The following CAPN1 variants were observed in gnomAD, a reference collection of about 807,000 sequenced individuals.
The protein encoded by CAPN1 is calpain-1 catalytic subunit.
In CAPN1, 77 loss-of-function variants were observed where a neutral mutation model predicts 105.2. The ratio of observed to expected loss-of-function variants is 0.73; its 90% CI spans 0.61 to 0.88. The LOEUF is 0.88. CAPN1 is among the 40% of genes least tolerant of loss of function. CAPN1 has a pLI of 0.00. For synonymous variants in CAPN1, 355 were observed against 388.8 expected, an observed-to-expected ratio of 0.91 and a Z score of 1.02; for missense variants, 833 against 976.6, an observed-to-expected ratio of 0.85 and a Z score of 1.96.
Position 65,209,678 on chromosome 11 carries a change from A to G in CAPN1, c.1795-171A>G, listed in dbSNP as rs1949014793. 6.0e-5 allele frequency: 42 copies of G among 698,256 alleles called. No individual in the cohort carries two copies. In the South Asian group the frequency reaches 7.2e-4, roughly 12 times the overall value. 43.3% of individuals were successfully genotyped at this position (698,256 alleles called of 1,614,324 possible). On this transcript the variant is annotated intron_variant, in intron 17 of 21. Coordinates refer to ENST00000279247, the MANE Select transcript of CAPN1 (RefSeq NM_005186.4). This position sits in a 1 kb window ranked among gnomAD's most constrained non-coding sequence, Gnocchi z 4.1. Reference sequence around the variant, plus strand: ...AGCCCACTCCACTGCAGCCCAGCTCAGAGAATAAGGCAAGCCCGGCTGTGG... The same window carrying G: ...AGCCCACTCCACTGCAGCCCAGCTCGGAGAATAAGGCAAGCCCGGCTGTGG...
intron 7 of CAPN1, chr11:65,187,593 A>G (rs1948654086): frequency 2.0e-6 from 1 of 506,492 alleles, no homozygotes; most frequent in Admixed American, 3.3e-5. Context: ...GGAGTGTTAA[A>G]GTGCGTGCAT....
At chr11:65,185,231 G>A (rs529378851) in intron 4 of CAPN1, among the ~76,000 whole-genome samples, 2 of 152,106 alleles carry the variant, frequency 1.3e-5, no homozygotes, top group East Asian at 3.9e-4. Context: ...ACCATCCTGA[G>A]GTTACAGGAA....
Position 65,210,756 on chromosome 11 carries a change from C to A in CAPN1, c.2060-58C>A. 7.2e-7 allele frequency: 1 copy of A among 1,398,006 alleles called. No homozygotes were observed. The allele number at this position is 1,398,006 out of a possible 1,614,324, so 86.6% of individuals were successfully genotyped here. On this transcript the variant is annotated intron_variant, in intron 20 of 21. Coordinates refer to ENST00000279247, the MANE Select transcript of CAPN1 (RefSeq NM_005186.4). This position sits in a 1 kb window ranked among gnomAD's most constrained non-coding sequence, Gnocchi z 4.3. ...AGGCAGGAAGGGGGCCAGGCCTGGC[C>A]CTGCGTGAATATCCCACTGAGTTTT...
intron 10 of CAPN1, among the ~76,000 whole-genome samples, chr11:65,189,048 G>A (rs1434303169): frequency 6.6e-6 from 1 of 151,624 alleles, no homozygotes; most frequent in African/African-American, 2.4e-5. Context: ...TTCTGAGACA[G>A]AGTCTCACTC....
At chr11:65,204,344 C>T (rs937986555) in intron 10 of CAPN1, among the ~76,000 whole-genome samples, 3 of 152,156 alleles carry the variant, frequency 2.0e-5, no homozygotes, top group African/African-American at 4.8e-5. Context: ...GGGTGCCCTC[C>T]GCCTGGCTTC....
At chr11:65,201,035 C>T (rs1007453748) in intron 10 of CAPN1, among the ~76,000 whole-genome samples, 1 of 143,492 alleles carries the variant, frequency 7.0e-6, no homozygotes, top group African/African-American at 2.6e-5. Flanking sequence ...AGCTCCTTCT[C>T]CCGGGTTCGT....
Position 65,188,377 on chromosome 11 carries a change from G to A in CAPN1, c.930-37G>A, listed in dbSNP as rs1402538536. 1 of 1,576,426 alleles carries A rather than the reference G, an allele frequency of 6.3e-7. No individual in the cohort carries two copies. The highest frequency in any genetic ancestry group is 8.6e-7 in the Non-Finnish European group (1 of 1,157,206). ...CCAGGGACAGAGGCCAGGCAGGTCA[G>A]TGCCCACCAGCCCTGGCAGAGCCCT... is the stretch of plus-strand genomic sequence containing the variant. On this transcript the variant is annotated intron_variant, in intron 8 of 21. Coordinates refer to ENST00000279247, the MANE Select transcript of CAPN1 (RefSeq NM_005186.4). This position sits in a 1 kb window ranked among gnomAD's most constrained non-coding sequence, Gnocchi z 5.5.
intron 11 of CAPN1, 132 bp downstream of exon 11, chr11:65,204,990 C>G (rs1948933530): frequency 1.4e-6 from 1 of 717,892 alleles, no homozygotes; most frequent in East Asian, 2.7e-5. Context: ...CCCCTCCACT[C>G]CCCCCACCAT....
intron 10 of CAPN1, among the ~76,000 whole-genome samples, chr11:65,200,859 C>T (rs2137367601): frequency 6.7e-6 from 1 of 149,996 alleles, no homozygotes; most frequent in East Asian, 2.0e-4. Flanking sequence ...TGTTGAACTC[C>T]TGGGCTCAAG....
chr11:65,187,298 G>A lies in CAPN1; in HGVS notation c.843G>A (p.Gln281=). The change falls in exon 7 of 22, where the codon CAG becomes CAA. Residue 281 remains glutamine, a splice_region_variant and synonymous_variant. Transcript: ENST00000279247. The part of the protein sequence containing the change: ...GHAYSVTGAK[Q]VNYRGQVVSL... Reference sequence around the variant, plus strand: ...CCTACTCTGTGACCGGGGCCAAGCAGGTACTGCCCTGGGTGGGGCCTTCCC... The same window carrying A: ...CCTACTCTGTGACCGGGGCCAAGCAAGTACTGCCCTGGGTGGGGCCTTCCC... 6.2e-7 allele frequency: 1 copy of A among 1,610,456 alleles called. No individual in the cohort carries two copies. The highest frequency in any genetic ancestry group is 1.1e-5 in the South Asian group (1 of 90,492).
In CAPN1 at chr11:65,183,164, G is replaced by A. The variant is rs757616692; in HGVS notation, c.304G>A (p.Ala102Thr). The change falls in exon 3 of 22, where the codon GCT becomes ACT. Residue 102 changes from alanine (A) to threonine (T), a missense_variant. Coordinates refer to ENST00000279247, the MANE Select transcript of CAPN1 (RefSeq NM_005186.4). The stretch of plus-strand genomic sequence containing the variant: ...AAACCCCCAGTTCATTGTGGATGGA[G>A]CTACCCGCACAGACATCTGCCAGGG... ...LSNPQFIVDG[A>T]TRTDICQGAL... 1.9e-6 allele frequency: 3 copies of A among 1,613,806 alleles called. No homozygotes were observed. Among genetic ancestry groups the A allele is most frequent in the Non-Finnish European group, 2.5e-6 (3 of 1,179,852 alleles).
At chr11:65,200,340 C>T (rs1380814119) in intron 10 of CAPN1, among the ~76,000 whole-genome samples, 7 of 151,854 alleles carry the variant, frequency 4.6e-5, no homozygotes, top group Admixed American at 6.6e-5. Flanking sequence ...AGTCACCATA[C>T]CCAGCTTTGT....
intron 10 of CAPN1, among the ~76,000 whole-genome samples, chr11:65,195,049 G>A (rs561575866): frequency 6.7e-6 from 1 of 148,498 alleles, no homozygotes; most frequent in Non-Finnish European, 1.5e-5. Flanking sequence ...TCTTCTTTTT[G>A]ATTATAGCCA....
chr11:65,211,436 C>A lies in CAPN1; in HGVS notation c.*150C>A. On this transcript the variant is annotated 3_prime_UTR_variant, in exon 22 of 22. Transcript: ENST00000279247. ...GTCCTCCTGTCCCCTCTCCTCCCAGCCACCATCGTTCATCTGCTCCGGGCA... is the reference window on the plus strand; with the variant it reads ...GTCCTCCTGTCCCCTCTCCTCCCAGACACCATCGTTCATCTGCTCCGGGCA... The A allele has an allele frequency of 1.4e-6, 1 of 725,826 alleles. No individual in the cohort carries two copies. Among genetic ancestry groups the A allele is most frequent in the Non-Finnish European group, 2.4e-6 (1 of 416,320 alleles). The allele number at this position is 725,826 out of a possible 1,614,324, so 45.0% of individuals were successfully genotyped here.
intron 10 of CAPN1, among the ~76,000 whole-genome samples, chr11:65,197,829 A>C (rs548654049): frequency 7.0e-6 from 1 of 143,236 alleles, no homozygotes; most frequent in African/African-American, 2.5e-5. Context: ...TGGAGGTTGC[A>C]GTGAGCCAAG....
chr11:65,208,126 T>C lies in CAPN1; in HGVS notation c.1671+6T>C. The C allele has an allele frequency of 6.2e-7, 1 of 1,606,972 alleles. No individual in the cohort carries two copies. Among genetic ancestry groups the C allele is most frequent in the Non-Finnish European group, 8.5e-7 (1 of 1,176,908 alleles). ...TCAGGCAGCTGGCAGGGGAGGTAGG[T>C]TGGGGCATGGCAGGTTGGGAGGGGC... On this transcript the variant is annotated splice_donor_region_variant and intron_variant, in intron 15 of 21. Transcript: ENST00000279247. The surrounding 1 kb of genome is among the most constrained non-coding windows in gnomAD (Gnocchi z 4.1).
rs751787543 is a variant in CAPN1 at position 65,183,604 on chromosome 11, C to T, written c.456+12C>T. Reference sequence around the variant, plus strand: ...TCTTCCATTTCCAGGTGAGGGCTCCCCTGGGGAGGAGGGGCAGCAGGCACT... The same window carrying T: ...TCTTCCATTTCCAGGTGAGGGCTCCTCTGGGGAGGAGGGGCAGCAGGCACT... On this transcript the variant is annotated intron_variant, in intron 4 of 21. Transcript: ENST00000279247. 6.3e-7 allele frequency: 1 copy of T among 1,582,710 alleles called. No homozygotes were observed. Among genetic ancestry groups the T allele is most frequent in the Non-Finnish European group, 8.7e-7 (1 of 1,151,774 alleles).
At position 65,188,093 on chromosome 11, in the gene CAPN1, C is replaced by G; in HGVS notation, c.929+53C>G. On this transcript the variant is annotated intron_variant, in intron 8 of 21. Transcript: ENST00000279247. The surrounding 1 kb of genome is among the most constrained non-coding windows in gnomAD (Gnocchi z 5.5). ...TGCCTTGGGGAAACTGTTAGGTGCC[C>G]CGACATTTCTGCTCGGGACTCTACC... 3 of 1,271,234 alleles carry G rather than the reference C, an allele frequency of 2.4e-6. No homozygotes were observed. The South Asian group carries it at 4.1e-5, about 17-fold the overall frequency. 78.7% of individuals were successfully genotyped at this position (1,271,234 alleles called of 1,614,324 possible). A position where few individuals can be genotyped will look rare whatever the true frequency, so the allele number is the denominator to read the frequency against.
intron 3 of CAPN1, 79 bp from the exon 4 acceptor site, chr11:65,183,395 C>T (rs1948576505): frequency 2.4e-6 from 3 of 1,236,644 alleles, no homozygotes; most frequent in African/African-American, 2.9e-5. Flanking sequence ...GCCAAGGAAC[C>T]CCAGATTCTC....
Sources: gnomAD v4.1 joint callset for allele counts (sites outside exome capture counted in the v4.1 genomes callset) on GRCh38, gnomAD v4.1.1 for gene constraint, Gnocchi (gnomAD v3.1) non-coding constraint, MANE v1.5 for transcripts, NCBI Gene and HGNC (gene_info 2026-07-23, HGNC 2026-07-21) for gene names.